The following UGT1A5 variants were observed in gnomAD, a reference collection of about 807,000 sequenced individuals.
UGT1A5 encodes the protein UDP glucuronosyltransferase family 1 member A5, also known as UDP-glucuronosyltransferase 1A5.
A neutral mutation model predicts 40.3 loss-of-function variants in UGT1A5; 29 were observed. The observed-to-expected ratio is 0.72, with a 90% CI of 0.54 to 0.98. The LOEUF (loss-of-function observed/expected upper bound fraction) is 0.98. Ranked by LOEUF, UGT1A5 falls within the 50% of genes least tolerant of loss-of-function variation. The probability of loss-of-function intolerance (pLI) is 0.00; values close to 1 mark genes in which losing one functional copy is unlikely to be tolerated. For synonymous variants in UGT1A5, 257 were observed against 262.5 expected, an observed-to-expected ratio of 0.98 and a Z score of 0.20; for missense variants, 678 against 677.9, an observed-to-expected ratio of 1.00 and a Z score of 0.00.
At chr2:233,743,710 G>A (rs199592554) in intron 1 of UGT1A5, 114 of 1,367,318 alleles carry the variant, frequency 8.3e-5, no homozygotes, top group East Asian at 1.8e-4. Context: ...CCCCCGCCTC[G>A]CCATAGCGGT....
At chr2:233,748,029 A>G in intron 1 of UGT1A5, 5 of 1,613,446 alleles carry the variant, frequency 3.1e-6, no homozygotes, top group East Asian at 2.2e-5. Context: ...CATGCCCAAC[A>G]TGGTCTTCAT....
chr2:233,760,305 G>C (rs745957787), intron 1 of UGT1A5: 19 of 1,613,584 alleles, frequency 1.2e-5, no homozygotes, highest in Non-Finnish European at 1.6e-5. Context: ...TGGAGTCCCA[G>C]GGCGGACGCC....
At chr2:233,729,323 A>G in intron 1 of UGT1A5, 2 of 1,614,278 alleles carry the variant, frequency 1.2e-6, no homozygotes, top group Non-Finnish European at 1.7e-6. Context: ...CCAGAGGTGA[A>G]TATGCACATC....
chr2:233,728,121 T>C (rs1274585713), intron 1 of UGT1A5, among the ~76,000 whole-genome samples: 1 of 152,216 alleles, frequency 6.6e-6, no homozygotes, highest in East Asian at 1.9e-4. Flanking sequence ...ATCTTGAAAT[T>C]TGGACTAGGG....
intron 1 of UGT1A5, among the ~76,000 whole-genome samples, chr2:233,727,385 C>T (rs892403095): frequency 5.3e-5 from 8 of 152,128 alleles, no homozygotes; most frequent in African/African-American, 9.7e-5. Context: ...GGAGTACCAC[C>T]GTCTTCCAAG....
chr2:233,744,004 C>A, intron 1 of UGT1A5: 1 of 1,163,748 alleles, frequency 8.6e-7, no homozygotes, highest in Non-Finnish European at 1.1e-6. Context: ...TGCTCGGAGA[C>A]CTGGGCCGCC....
At chr2:233,731,654 T>C (rs1402359717) in intron 1 of UGT1A5, among the ~76,000 whole-genome samples, 1 of 152,254 alleles carries the variant, frequency 6.6e-6, no homozygotes. Context: ...ATGGTGTATA[T>C]GTGCCACATT....
chr2:233,761,187 T>C, intron 1 of UGT1A5: 1 of 1,614,214 alleles, frequency 6.2e-7, no homozygotes, highest in Non-Finnish European at 8.5e-7. Context: ...ATGCGTATAT[T>C]CTTTCAGATG....
rs539398300 is a variant in UGT1A5 at position 233,755,129 on chromosome 2, C to T, written c.868-11905C>T. The T allele has an allele frequency of 4.5e-6, 6 of 1,320,750 alleles. No individual in the cohort carries two copies. The South Asian group carries it at 5.7e-5, about 13-fold the overall frequency. 81.8% of individuals were successfully genotyped at this position (1,320,750 alleles called of 1,614,324 possible). ...ACACCTCGTAGGCCTCAGCCACCTG[C>T]TTGAATCTTCTCACCGCTTCCTCCC... On this transcript the variant is annotated intron_variant, in intron 1 of 4. Transcript: ENST00000373414.
chr2:233,729,966 C>G, intron 1 of UGT1A5: 1 of 1,614,088 alleles, frequency 6.2e-7, no homozygotes, highest in Non-Finnish European at 8.5e-7. Context: ...GGGGCATCAA[C>G]TGTGCCAACA....
intron 1 of UGT1A5, among the ~76,000 whole-genome samples, chr2:233,758,268 G>A (rs1000936353): frequency 2.6e-5 from 4 of 152,178 alleles, no homozygotes; most frequent in Non-Finnish European, 5.9e-5. Flanking sequence ...AGTATTTCTT[G>A]GTCAAGGGCA....
chr2:233,743,714 T>A (rs1337587224), intron 1 of UGT1A5: 1 of 1,367,242 alleles, frequency 7.3e-7, no homozygotes, highest in Non-Finnish European at 9.8e-7. Context: ...CGCCTCGCCA[T>A]AGCGGTCATA....
rs760019185 is a variant in UGT1A5, at chr2:233,760,846, C to T, written c.868-6188C>T. 1 of 1,613,970 alleles carries T rather than the reference C, an allele frequency of 6.2e-7. No individual in the cohort carries two copies. Among genetic ancestry groups the T allele is most frequent in the Non-Finnish European group, 8.5e-7 (1 of 1,179,912 alleles). On this transcript the variant is annotated intron_variant, in intron 1 of 4. Coordinates refer to ENST00000373414, the MANE Select transcript of UGT1A5 (RefSeq NM_019078.2). ...CCTGGAATTTGAGGCTACCCAGTGC[C>T]CCAACCCATTCTCCTACGTGCCCAG... is the stretch of plus-strand genomic sequence containing the variant.
At chr2:233,761,167 G>A in intron 1 of UGT1A5, 1 of 1,614,098 alleles carries the variant, frequency 6.2e-7, no homozygotes. Context: ...TATTGGAGTG[G>A]GACTTTTACA....
At chr2:233,734,469 G>A (rs2078529188) in intron 1 of UGT1A5, among the ~76,000 whole-genome samples, 1 of 149,640 alleles carries the variant, frequency 6.7e-6, no homozygotes, top group Non-Finnish European at 1.5e-5. Flanking sequence ...TCCATCTCCT[G>A]GATTCATTGA....
intron 1 of UGT1A5, among the ~76,000 whole-genome samples, chr2:233,720,986 C>T (rs931930745): frequency 6.6e-6 from 1 of 151,446 alleles, no homozygotes; most frequent in Admixed American, 6.6e-5. Flanking sequence ...GCTGGGATTA[C>T]AGGCAAGAGC....
At chr2:233,764,870 C>A (rs17868342) in intron 1 of UGT1A5, among the ~76,000 whole-genome samples, 19,813 of 151,898 alleles carry the variant, frequency 0.13, 1,414 homozygotes, top group East Asian at 0.2. Context: ...TAGATGAGCC[C>A]AAGGGAAAAG....
chr2:233,714,076 G>A (rs1264024258), intron 1 of UGT1A5, among the ~76,000 whole-genome samples: 2 of 152,134 alleles, frequency 1.3e-5, no homozygotes, highest in African/African-American at 2.4e-5. Flanking sequence ...AGGCAGGGAC[G>A]AGGATCTGTC....
chr2:233,724,727 G>A (rs1271460613), intron 1 of UGT1A5, among the ~76,000 whole-genome samples: 6 of 144,662 alleles, frequency 4.1e-5, no homozygotes. Context: ...GGGCAGCCAG[G>A]CAGAGGGGCT....
Sources: gnomAD v4.1 joint callset for allele counts (sites outside exome capture counted in the v4.1 genomes callset) on GRCh38, gnomAD v4.1.1 for gene constraint, MANE v1.5 for transcripts, NCBI Gene and HGNC (gene_info 2026-07-23, HGNC 2026-07-21) for gene names.